Variants in NEK1 observed in about 807,000 individuals in gnomAD.
The protein encoded by NEK1 is NIMA related kinase 1, also known as serine/threonine-protein kinase Nek1.
NEK1 carries 137 observed loss-of-function variants against 182.1 expected under a neutral mutation model. The observed-to-expected ratio is 0.75, with a 90% CI of 0.65 to 0.87. The LOEUF (loss-of-function observed/expected upper bound fraction) is 0.87, where lower values mean the gene tolerates loss of function less well. NEK1 is among the 40% of genes least tolerant of loss of function. The probability of loss-of-function intolerance (pLI) is 0.00; values close to 1 mark genes in which losing one functional copy is unlikely to be tolerated. For missense variants in NEK1, 1,391 were observed against 1,494.4 expected (o/e 0.93, Z 1.14); for synonymous variants, 513 against 492.2 (o/e 1.04, Z -0.56).
intron 11 of NEK1, among the ~76,000 whole-genome samples, chr4:169,579,486 T>C (rs944498341): frequency 1.8e-4 from 27 of 152,102 alleles, no homozygotes; most frequent in Non-Finnish European, 3.4e-4. Flanking sequence ...TGAGAGGATG[T>C]GTAAGGGTCT....
chr4:169,497,005 T>G (rs1420466799), intron 23 of NEK1, among the ~76,000 whole-genome samples: 3 of 152,342 alleles, frequency 2.0e-5, no homozygotes, highest in African/African-American at 7.2e-5. Context: ...GTACCTCTGG[T>G]AGAATTCGGC....
At chr4:169,410,094 T>C (rs1468220963) in intron 31 of NEK1, among the ~76,000 whole-genome samples, 1 of 152,212 alleles carries the variant, frequency 6.6e-6, no homozygotes, top group Non-Finnish European at 1.5e-5. Flanking sequence ...TATTTCTATG[T>C]TGTTTAAACA....
chr4:169,456,085 T>C (rs1742829677), intron 27 of NEK1, among the ~76,000 whole-genome samples: 2 of 151,994 alleles, frequency 1.3e-5, no homozygotes, highest in African/African-American at 4.8e-5. Flanking sequence ...TACAAACACA[T>C]GGAAATTAAA....
rs567856087 is a variant in NEK1 at position 169,564,327 on chromosome 4, A to C, written c.1021-2131T>G. ...ACTTGGGAAAAATATTTTGATGGTC[A>C]TTTACATTATTAGTAAAATAATCCA... is the stretch of plus-strand genomic sequence containing the variant. On this transcript the variant is annotated intron_variant, in intron 12 of 35. Transcript: ENST00000507142. Among the ~76,000 whole-genome samples, 4 of 152,248 alleles carry C rather than the reference A, an allele frequency of 2.6e-5. No homozygotes were observed. The South Asian group carries it at 8.3e-4, about 32-fold the overall frequency.
intron 23 of NEK1, among the ~76,000 whole-genome samples, chr4:169,497,133 G>T (rs975347128): frequency 3.3e-5 from 5 of 152,112 alleles, no homozygotes; most frequent in Non-Finnish European, 7.4e-5. Flanking sequence ...TTAGTCTTGG[G>T]AGGGTGTATG....
At chr4:169,571,903 T>TC (rs1203852680) in intron 12 of NEK1, among the ~76,000 whole-genome samples, 4 of 150,614 alleles carry the variant, frequency 2.7e-5, no homozygotes, top group Non-Finnish European at 5.9e-5. Context: ...TAATTTTTTT[T>TC]TTTTTTTTGT....
intron 27 of NEK1, among the ~76,000 whole-genome samples, 191 bp downstream of exon 27, chr4:169,463,052 A>C (rs1368776769): frequency 2.6e-5 from 4 of 152,098 alleles, no homozygotes; most frequent in Admixed American, 2.0e-4. Context: ...CAGGTCTATC[A>C]GGTCAAAACT....
chr4:169,562,756 A>T (rs1763110488), intron 12 of NEK1, among the ~76,000 whole-genome samples: 4 of 152,124 alleles, frequency 2.6e-5, no homozygotes, highest in African/African-American at 7.2e-5. Context: ...AATGACTTTA[A>T]TTTTTAAAAT....
In NEK1 at chr4:169,476,904, A is replaced by C. The variant is rs534203989; in HGVS notation, c.2434+220T>G. Among the ~76,000 whole-genome samples, 4 of 152,180 alleles carry C rather than the reference A, an allele frequency of 2.6e-5. No individual in the cohort carries two copies. The East Asian group carries it at 5.8e-4, about 22-fold the overall frequency. ...TCTCACACTATACACTTTTGTAATA[A>C]AAATCCTTGCTATTAAGGCTGATTA... On this transcript the variant is annotated intron_variant, in intron 26 of 35. Transcript: ENST00000507142.
At chr4:169,494,656 C>T (rs1750810738) in intron 23 of NEK1, among the ~76,000 whole-genome samples, 1 of 152,160 alleles carries the variant, frequency 6.6e-6, no homozygotes, top group Admixed American at 6.5e-5. Flanking sequence ...AGTTCTAGAT[C>T]CCTGAGGAAT....
At chr4:169,508,203 T>A in intron 21 of NEK1, 45 bp downstream of exon 21, 1 of 1,487,334 alleles carries the variant, frequency 6.7e-7, no homozygotes, top group South Asian at 1.3e-5. Flanking sequence ...GTTAACCTAC[T>A]ATGACATCAT....
chr4:169,515,437 T>C (rs1213036781), intron 19 of NEK1, among the ~76,000 whole-genome samples: 1 of 152,206 alleles, frequency 6.6e-6, no homozygotes, highest in African/African-American at 2.4e-5. Context: ...TCTATTAGTT[T>C]CTGCTCTCTA....
At chr4:169,599,757 A>G (rs1280567169) in intron 4 of NEK1, among the ~76,000 whole-genome samples, 2 of 152,174 alleles carry the variant, frequency 1.3e-5, no homozygotes, top group African/African-American at 4.8e-5. Context: ...AAAAAATTGC[A>G]TATGATTTGT....
chr4:169,497,427 T>C (rs1272074652), intron 23 of NEK1, among the ~76,000 whole-genome samples: 4 of 152,200 alleles, frequency 2.6e-5, no homozygotes, highest in Non-Finnish European at 5.9e-5. Flanking sequence ...TGATCTTAGT[T>C]ATTTCTTGCC....
intron 29 of NEK1, among the ~76,000 whole-genome samples, chr4:169,431,454 C>T (rs983218274): frequency 2.3e-4 from 35 of 151,838 alleles, no homozygotes; most frequent in Admixed American, 1.4e-3. Context: ...ACCTGATAAC[C>T]GATACATAAC....
At chr4:169,577,979 A>C (rs901818044) in intron 11 of NEK1, among the ~76,000 whole-genome samples, 7 of 152,162 alleles carry the variant, frequency 4.6e-5, no homozygotes, top group African/African-American at 1.7e-4. Flanking sequence ...CAGAATGGGT[A>C]CCTTAAAGAC....
At chr4:169,411,224 C>T (rs1173362652) in intron 31 of NEK1, among the ~76,000 whole-genome samples, 3 of 151,600 alleles carry the variant, frequency 2.0e-5, no homozygotes, top group African/African-American at 7.3e-5. Flanking sequence ...AAACCTAAGG[C>T]CACATTTTCC....
intron 12 of NEK1, among the ~76,000 whole-genome samples, chr4:169,565,816 G>A (rs1763587175): frequency 6.6e-6 from 1 of 151,590 alleles, no homozygotes; most frequent in Non-Finnish European, 1.5e-5. Context: ...GGAAGAATGG[G>A]GAGTGGCTGC....
At chr4:169,550,722 T>C (rs1761298562) in intron 18 of NEK1, among the ~76,000 whole-genome samples, 1 of 152,218 alleles carries the variant, frequency 6.6e-6, no homozygotes, top group Non-Finnish European at 1.5e-5. Context: ...TGTGGATTCA[T>C]TAACACTGAA....
Sources: allele counts gnomAD v4.1 joint callset (sites outside exome capture counted in the v4.1 genomes callset), GRCh38; gene constraint gnomAD v4.1.1; transcripts MANE v1.5; gene names NCBI Gene and HGNC (gene_info 2026-07-23, HGNC 2026-07-21).